The following MTUS2 variants were observed in gnomAD, a reference collection of about 807,000 sequenced individuals.
MTUS2 encodes microtubule associated scaffold protein 2, also known as microtubule-associated tumor suppressor candidate 2.
MTUS2 carries 40 observed loss-of-function variants against 114.1 expected under a neutral mutation model. The ratio of observed to expected loss-of-function variants is 0.35; its 90% CI spans 0.27 to 0.46. The LOEUF (loss-of-function observed/expected upper bound fraction) is 0.46, where lower values mean the gene tolerates loss of function less well. Ranked by LOEUF, MTUS2 falls within the 20% of genes least tolerant of loss-of-function variation. The probability of loss-of-function intolerance (pLI) is 1.00; values close to 1 mark genes in which losing one functional copy is unlikely to be tolerated. For missense variants in MTUS2, 1,679 were observed against 1,705.4 expected, an observed-to-expected ratio of 0.98 and a Z score of 0.27; for synonymous variants, 688 against 672.0, an observed-to-expected ratio of 1.02 and a Z score of -0.37.
intron 5 of MTUS2, among the ~76,000 whole-genome samples, chr13:29,223,238 C>A (rs1040686494): frequency 1.3e-5 from 2 of 152,120 alleles, no homozygotes; most frequent in Non-Finnish European, 2.9e-5. Flanking sequence ...CACCCATGGA[C>A]AAATCAGCAT....
At chr13:28,869,482 G>C (rs553907700) in intron 2 of MTUS2, among the ~76,000 whole-genome samples, 9 of 152,264 alleles carry the variant, frequency 5.9e-5, no homozygotes, top group African/African-American at 2.2e-4. Flanking sequence ...GTTAAAAGTA[G>C]GTAGTAAAGG....
intron 7 of MTUS2, among the ~76,000 whole-genome samples, chr13:29,356,258 A>AC (rs1481199579): frequency 6.6e-6 from 1 of 152,142 alleles, no homozygotes; most frequent in Non-Finnish European, 1.5e-5. Context: ...GGTCACCACC[A>AC]CACCAACACC....
intron 5 of MTUS2, among the ~76,000 whole-genome samples, chr13:29,237,250 G>T (rs1896568981): frequency 6.6e-6 from 1 of 152,208 alleles, no homozygotes; most frequent in Non-Finnish European, 1.5e-5. Context: ...ACTCCTGTGT[G>T]CTCTGGGCTA....
chr13:28,835,465 A>T (rs753056925), intron 1 of MTUS2, among the ~76,000 whole-genome samples: 5 of 152,190 alleles, frequency 3.3e-5, no homozygotes. Context: ...AATTCAAGTG[A>T]CAGAATGGAT....
At chr13:29,027,537 G>T (rs1886613340) in intron 3 of MTUS2, among the ~76,000 whole-genome samples, 1 of 152,018 alleles carries the variant, frequency 6.6e-6, no homozygotes, top group Admixed American at 6.5e-5. Context: ...TTTTTTGTTT[G>T]TTTATGTTTT....
intron 8 of MTUS2, 94 bp from the exon 9 acceptor site, chr13:29,439,889 A>G: frequency 1.0e-6 from 1 of 994,468 alleles, no homozygotes; most frequent in Non-Finnish European, 1.5e-6. Flanking sequence ...AGACTTATAA[A>G]TATTTGCTTA....
chr13:28,844,697 A>G (rs1433391644), intron 2 of MTUS2, among the ~76,000 whole-genome samples: 4 of 151,816 alleles, frequency 2.6e-5, no homozygotes, highest in East Asian at 3.9e-4. Flanking sequence ...GCTCACTGCA[A>G]CCTCCGCCTC....
chr13:29,347,957 A>G (rs75496680), intron 7 of MTUS2, among the ~76,000 whole-genome samples: 13,408 of 42,474 alleles, frequency 0.32, 4,989 homozygotes, highest in East Asian at 0.65. Context: ...GTCCAGAGGG[A>G]TCCCAAGTGC....
chr13:29,175,363 T>C (rs7986213), intron 5 of MTUS2, among the ~76,000 whole-genome samples: 112,794 of 152,132 alleles, frequency 0.74, 41,931 homozygotes, highest in East Asian at 0.8. Flanking sequence ...ATTTGCTGTC[T>C]GTCCCTTCAT....
chr13:28,965,624 G>GTA (rs776527916), intron 2 of MTUS2, among the ~76,000 whole-genome samples: 30 of 152,190 alleles, frequency 2.0e-4, no homozygotes, highest in Middle Eastern at 3.4e-3. Context: ...GTGTGTGTGT[G>GTA]TATATATATG....
chr13:28,852,406 G>GA (rs1049758236), intron 2 of MTUS2, among the ~76,000 whole-genome samples: 2 of 151,848 alleles, frequency 1.3e-5, no homozygotes, highest in Non-Finnish European at 1.5e-5. Context: ...ATATCTGTTA[G>GA]AAAAAAAAGT....
At chr13:28,909,879 A>G (rs1414875641) in intron 2 of MTUS2, among the ~76,000 whole-genome samples, 1 of 152,098 alleles carries the variant, frequency 6.6e-6, no homozygotes, top group African/African-American at 2.4e-5. Context: ...TTCTTCAGCA[A>G]TTGTTTCTTT....
intron 2 of MTUS2, among the ~76,000 whole-genome samples, chr13:28,937,040 G>C (rs1407436): frequency 0.14 from 20,632 of 152,126 alleles, 1,524 homozygotes; most frequent in South Asian, 0.21. Context: ...GGATTATTAG[G>C]GGAGTCAGTT....
chr13:29,264,022 C>T (rs1192056336), intron 5 of MTUS2, among the ~76,000 whole-genome samples: 1 of 152,230 alleles, frequency 6.6e-6, no homozygotes, highest in Non-Finnish European at 1.5e-5. Flanking sequence ...AGACAAGGCA[C>T]GTCCCTTCCA....
At chr13:28,890,310 G>A (rs992398903) in intron 2 of MTUS2, among the ~76,000 whole-genome samples, 1 of 152,106 alleles carries the variant, frequency 6.6e-6, no homozygotes, top group African/African-American at 2.4e-5. Flanking sequence ...ACGTCTCTCT[G>A]GATTCTATCC....
intron 2 of MTUS2, among the ~76,000 whole-genome samples, chr13:28,965,188 C>T (rs943255290): frequency 3.9e-5 from 6 of 152,184 alleles, no homozygotes; most frequent in African/African-American, 7.2e-5. Context: ...TTACAAAGTT[C>T]TTTCAATAGC....
chr13:29,225,188 G>A (rs538518106), intron 5 of MTUS2, among the ~76,000 whole-genome samples: 40 of 152,354 alleles, frequency 2.6e-4, no homozygotes, highest in African/African-American at 9.4e-4. Context: ...TGAGCTGAAG[G>A]CTCAAGCCCT....
intron 7 of MTUS2, among the ~76,000 whole-genome samples, chr13:29,335,291 T>C (rs1188955301): frequency 6.6e-6 from 1 of 152,202 alleles, no homozygotes; most frequent in Non-Finnish European, 1.5e-5. Context: ...CTCCCAGGCT[T>C]ATTAGGACGA....
chr13:29,389,556 T>TGTGTGTATGTATACAC lies in MTUS2; in HGVS notation c.3117+30087_3117+30088insGTATGTATACACGTGT, dbSNP rs1873062501. 8.0e-5 allele frequency among the ~76,000 whole-genome samples: 5 copies of TGTGTGTATGTATACAC among 62,596 alleles called. 2 individuals are homozygous for TGTGTGTATGTATACAC. The highest frequency in any genetic ancestry group is 2.6e-4 in the African/African-American group (5 of 18,996). 41.1% of individuals were successfully genotyped at this position (62,596 alleles called of 152,430 possible). On this transcript the variant is annotated intron_variant, in intron 8 of 15. Coordinates refer to ENST00000612955, the MANE Select transcript of MTUS2 (RefSeq NM_001033602.4). ...ATACACGTGTGTATATGTATACACGTGTGTATATGTGTACATATGTGTGTA... is the reference window on the plus strand; with the variant it reads ...ATACACGTGTGTATATGTATACACGTGTGTGTATGTATACACGTGTATATGTGTACATATGTGTGTA...
Sources: gnomAD v4.1 joint callset for allele counts (sites outside exome capture counted in the v4.1 genomes callset) on GRCh38, gnomAD v4.1.1 for gene constraint, MANE v1.5 for transcripts, NCBI Gene and HGNC (gene_info 2026-07-23, HGNC 2026-07-21) for gene names.